The following DCC variants were observed in gnomAD, a reference collection of about 807,000 sequenced individuals.
DCC encodes DCC netrin 1 receptor, also known as netrin receptor DCC.
In DCC, 58 loss-of-function variants were observed where a neutral mutation model predicts 172.5. The observed-to-expected ratio is 0.34, with a 90% CI of 0.27 to 0.42. DCC has a LOEUF of 0.42. Among genes scored for constraint, DCC ranks in the 10% least tolerant of loss-of-function variants. The probability of loss-of-function intolerance (pLI) is 1.00; values close to 1 mark genes in which losing one functional copy is unlikely to be tolerated. For synonymous variants in DCC, 709 were observed against 644.5 expected, an observed-to-expected ratio of 1.10 and a Z score of -1.52; for missense variants, 1,740 against 1,791.0, an observed-to-expected ratio of 0.97 and a Z score of 0.51.
At chr18:53,040,729 C>A (rs1186020739) in intron 5 of DCC, among the ~76,000 whole-genome samples, 1 of 151,766 alleles carries the variant, frequency 6.6e-6, no homozygotes, top group African/African-American at 2.4e-5. Flanking sequence ...ACTTGAGTAG[C>A]TTTGGGATCT....
intron 1 of DCC, among the ~76,000 whole-genome samples, chr18:52,697,875 C>A (rs1033544340): frequency 6.6e-6 from 1 of 152,086 alleles, no homozygotes; most frequent in African/African-American, 2.4e-5. Context: ...TAACAGACAT[C>A]TTCTTATATT....
intron 12 of DCC, among the ~76,000 whole-genome samples, chr18:53,275,845 A>G (rs902922566): frequency 8.5e-5 from 13 of 152,048 alleles, no homozygotes; most frequent in African/African-American, 3.1e-4. Flanking sequence ...TTTTGTTACA[A>G]TTTTTCTGCC....
intron 5 of DCC, among the ~76,000 whole-genome samples, chr18:53,059,844 A>G (rs1220638188): frequency 6.6e-6 from 1 of 152,152 alleles, no homozygotes; most frequent in Non-Finnish European, 1.5e-5. Context: ...TTTTATTGGC[A>G]TCAGTAGCAA....
intron 2 of DCC, among the ~76,000 whole-genome samples, chr18:52,879,161 A>G (rs2039443698): frequency 6.6e-6 from 1 of 152,160 alleles, no homozygotes; most frequent in Admixed American, 6.5e-5. Flanking sequence ...AATTGGACCT[A>G]AAGGAAAGTG....
intron 5 of DCC, among the ~76,000 whole-genome samples, chr18:52,994,506 G>A (rs142275652): frequency 1.8e-4 from 28 of 152,204 alleles, no homozygotes; most frequent in East Asian, 3.9e-4. Context: ...GGATATGAAC[G>A]TACGATTCTC....
chr18:53,512,163 C>A (rs556475735), intron 27 of DCC, among the ~76,000 whole-genome samples: 4 of 150,422 alleles, frequency 2.7e-5, no homozygotes, highest in Admixed American at 1.4e-4. Flanking sequence ...CCCGACCCCC[C>A]AGCAGCCTAA....
At chr18:53,392,024 T>C in intron 17 of DCC, 137 bp downstream of exon 17, 1 of 678,838 alleles carries the variant, frequency 1.5e-6, no homozygotes, top group Non-Finnish European at 2.7e-6. Flanking sequence ...TTTTAATAAC[T>C]CAATATCTAA....
At chr18:53,181,394 GT>G (rs1344604146) in intron 9 of DCC, among the ~76,000 whole-genome samples, 1 of 144,034 alleles carries the variant, frequency 6.9e-6, no homozygotes, top group East Asian at 2.0e-4. Flanking sequence ...AATTTTCAGT[GT>G]TTTAAAATTT....
At chr18:52,719,759 G>T (rs1285342446) in intron 1 of DCC, among the ~76,000 whole-genome samples, 1 of 152,190 alleles carries the variant, frequency 6.6e-6, no homozygotes, top group African/African-American at 2.4e-5. Flanking sequence ...GAAACCAGAG[G>T]ATGAGTAGGA....
intron 1 of DCC, among the ~76,000 whole-genome samples, chr18:52,707,896 A>G (rs2036235210): frequency 6.6e-6 from 1 of 152,218 alleles, no homozygotes; most frequent in South Asian, 2.1e-4. Flanking sequence ...AAAGTATACA[A>G]AATTTCAGTT....
At chr18:53,122,715 A>G (rs1292720682) in intron 7 of DCC, among the ~76,000 whole-genome samples, 1 of 152,044 alleles carries the variant, frequency 6.6e-6, no homozygotes, top group Non-Finnish European at 1.5e-5. Flanking sequence ...AGTGAATGTC[A>G]CAGGACTTCT....
rs185076260 is a variant in DCC at position 52,782,931 on chromosome 18, A to G, written c.412+30557A>G. On this transcript the variant is annotated intron_variant, in intron 2 of 28. Transcript: ENST00000442544. ...GATTTGCCCAGCAAGGTAAATCATC[A>G]CTATTTGTTATATCATGTATACTGT... 2.0e-5 allele frequency among the ~76,000 whole-genome samples: 3 copies of G among 152,150 alleles called. No individual in the cohort carries two copies. The East Asian group carries it at 5.8e-4, about 29-fold the overall frequency.
At chr18:52,441,749 A>G (rs989468381) in intron 1 of DCC, among the ~76,000 whole-genome samples, 1 of 152,354 alleles carries the variant, frequency 6.6e-6, no homozygotes, top group Middle Eastern at 3.4e-3. Flanking sequence ...GCCAACTAAT[A>G]GCAAACAAAA....
intron 1 of DCC, among the ~76,000 whole-genome samples, chr18:52,682,485 A>G (rs2035764223): frequency 6.6e-6 from 1 of 152,080 alleles, no homozygotes; most frequent in African/African-American, 2.4e-5. Context: ...GTGGGCCTGG[A>G]GAACCAAGAG....
chr18:53,400,265 T>G (rs917206036), intron 18 of DCC, among the ~76,000 whole-genome samples: 1 of 151,942 alleles, frequency 6.6e-6, no homozygotes, highest in African/African-American at 2.4e-5. Context: ...TCCAGGGACT[T>G]CCAAAGAATG....
chr18:53,350,157 T>G (rs1391175895), intron 15 of DCC, among the ~76,000 whole-genome samples: 4 of 152,166 alleles, frequency 2.6e-5, no homozygotes, highest in African/African-American at 4.8e-5. Context: ...CAAATATTCC[T>G]GTGAGGATTT....
rs538672561 is a variant in DCC at position 53,239,979 on chromosome 18, G to T, written c.1911+24382G>T. 5.3e-5 allele frequency among the ~76,000 whole-genome samples: 4 copies of T among 76,144 alleles called. No individual in the cohort carries two copies. The South Asian group carries it at 1.6e-3, about 30-fold the overall frequency. 50.0% of individuals were successfully genotyped at this position (76,144 alleles called of 152,430 possible). On this transcript the variant is annotated intron_variant, in intron 12 of 28. Transcript: ENST00000442544. ...TATTTTTGTTAGAGGAGAATGGTGA[G>T]AAAATATAAAAAAACATTTAGACAT... is the stretch of plus-strand genomic sequence containing the variant.
intron 1 of DCC, among the ~76,000 whole-genome samples, chr18:52,735,205 C>T (rs1248878924): frequency 6.6e-6 from 1 of 152,114 alleles, no homozygotes; most frequent in Admixed American, 6.6e-5. Context: ...TCATGGAGAC[C>T]TTCCCCAGGA....
intron 5 of DCC, among the ~76,000 whole-genome samples, chr18:52,942,538 T>C (rs1169350659): frequency 2.0e-5 from 3 of 152,176 alleles, no homozygotes; most frequent in African/African-American, 4.8e-5. Context: ...GACTTACAGT[T>C]CCACATGGCT....
Sources: allele counts gnomAD v4.1 joint callset (sites outside exome capture counted in the v4.1 genomes callset), GRCh38; gene constraint gnomAD v4.1.1; transcripts MANE v1.5; gene names NCBI Gene and HGNC (gene_info 2026-07-23, HGNC 2026-07-21).